The following IRAK2 variants were observed in gnomAD, a reference collection of about 807,000 sequenced individuals.
IRAK2 encodes the protein interleukin-1 receptor-associated kinase-like 2.
Under a neutral mutation model 72.0 loss-of-function variants are expected in IRAK2, and 57 were observed. That is an observed-to-expected ratio of 0.79 (90% CI 0.64 to 0.99). IRAK2 has a LOEUF of 0.99. Ranked by LOEUF, IRAK2 falls within the 50% of genes least tolerant of loss-of-function variation. The pLI is 0.00. For synonymous variants in IRAK2, 293 were observed against 312.7 expected (o/e 0.94, Z 0.67); for missense variants, 790 against 794.4 (o/e 0.99, Z 0.07).
At chr3:10,223,155 C>CTT (rs551028205) in intron 9 of IRAK2, among the ~76,000 whole-genome samples, 44 of 152,320 alleles carry the variant, frequency 2.9e-4, no homozygotes, top group Non-Finnish European at 5.1e-4. Flanking sequence ...GAAGGAAAAC[C>CTT]ACTCATGAGT....
At position 10,169,410 on chromosome 3, in the gene IRAK2, A is replaced by AC. The variant is rs565309572; in HGVS notation, c.94+4367dup. On this transcript the variant is annotated intron_variant, in intron 1 of 12. Coordinates refer to ENST00000256458, the MANE Select transcript of IRAK2 (RefSeq NM_001570.4). The stretch of plus-strand genomic sequence containing the variant: ...CTTATCTCAACTGCATCAGACAGAC[A>AC]CCCCCAGAGTGGCCATTTATAGACC... Among the ~76,000 whole-genome samples, 93 of 152,110 alleles carry AC rather than the reference A, an allele frequency of 6.1e-4. No homozygotes were observed. In the East Asian group the frequency reaches 6.8e-3, roughly 11 times the overall value.
chr3:10,232,233 T>C (rs1025205056), intron 10 of IRAK2, among the ~76,000 whole-genome samples: 8 of 152,368 alleles, frequency 5.3e-5, no homozygotes, highest in Admixed American at 3.9e-4. Flanking sequence ...ATTTGCCCTA[T>C]GTAGACAGAC....
intron 2 of IRAK2, among the ~76,000 whole-genome samples, chr3:10,185,981 A>C (rs1279505200): frequency 1.3e-4 from 19 of 151,614 alleles, no homozygotes; most frequent in Non-Finnish European, 1.5e-5. Context: ...TTGAACCAGG[A>C]GGCAGAGATT....
intron 10 of IRAK2, among the ~76,000 whole-genome samples, chr3:10,230,631 G>A (rs1163865770): frequency 6.6e-6 from 1 of 152,160 alleles, no homozygotes; most frequent in African/African-American, 2.4e-5. Flanking sequence ...ATGTAGTGGT[G>A]CAATCATGGC....
intron 1 of IRAK2, among the ~76,000 whole-genome samples, chr3:10,174,143 G>A (rs1204243529): frequency 6.6e-5 from 10 of 152,126 alleles, no homozygotes; most frequent in East Asian, 1.9e-4. Flanking sequence ...TTTTCCATCC[G>A]TTCTCTTCTC....
chr3:10,194,898 A>G (rs1462296587), intron 2 of IRAK2, among the ~76,000 whole-genome samples: 1 of 152,154 alleles, frequency 6.6e-6, no homozygotes, highest in African/African-American at 2.4e-5. Context: ...GTTGGCTTAC[A>G]TCCGTGGCTG....
At chr3:10,239,741 CAAAA>C (rs1365137063) in intron 12 of IRAK2, among the ~76,000 whole-genome samples, 2 of 151,832 alleles carry the variant, frequency 1.3e-5, no homozygotes, top group African/African-American at 4.8e-5. Context: ...AAACAAAAAA[CAAAA>C]AACTCAATGC....
intron 11 of IRAK2, among the ~76,000 whole-genome samples, chr3:10,235,270 C>A (rs1697938139): frequency 6.6e-6 from 1 of 151,942 alleles, no homozygotes; most frequent in African/African-American, 2.4e-5. Context: ...GCCGTGGCTT[C>A]CATGGTAAAA....
At chr3:10,229,287 T>C (rs1264772244) in intron 10 of IRAK2, among the ~76,000 whole-genome samples, 2 of 152,122 alleles carry the variant, frequency 1.3e-5, no homozygotes, top group African/African-American at 4.8e-5. Flanking sequence ...TCTTGCCCTG[T>C]CACCCAGGCC....
chr3:10,169,024 A>T (rs1269189690), intron 1 of IRAK2, among the ~76,000 whole-genome samples: 1 of 152,150 alleles, frequency 6.6e-6, no homozygotes, highest in Admixed American at 6.5e-5. Flanking sequence ...ACAAAGAGAG[A>T]AATTTTACAT....
In IRAK2 at chr3:10,177,878, C is replaced by T. The variant is rs200699551; in HGVS notation, c.135C>T (p.Ile45=). 3.0e-4 allele frequency: 484 copies of T among 1,613,742 alleles called. 1 individual carries two copies. Among genetic ancestry groups the T allele is most frequent in the Non-Finnish European group, 4.4e-5 (52 of 1,180,028 alleles). The change falls in exon 2 of 13, where the codon ATC becomes ATT. Residue 45 remains isoleucine (I), a synonymous_variant. Transcript: ENST00000256458. ...VITDLTQLRK[I]KSMERVQGVS... is the part of the protein sequence containing the mutation. ...CAGACCTGACCCAGCTGCGGAAGAT[C>T]AAGTCCATGGAGCGGGTGCAGGGTG...
At chr3:10,169,102 C>T (rs902916796) in intron 1 of IRAK2, among the ~76,000 whole-genome samples, 1 of 152,086 alleles carries the variant, frequency 6.6e-6, no homozygotes, top group East Asian at 1.9e-4. Context: ...ACAAAACCAG[C>T]GAGTTTTTAT....
chr3:10,212,877 G>C (rs1016646181), intron 4 of IRAK2, among the ~76,000 whole-genome samples: 1 of 149,886 alleles, frequency 6.7e-6, no homozygotes, highest in African/African-American at 2.5e-5. Flanking sequence ...CCATTCTCCT[G>C]CCTCAGCCTC....
At position 10,238,815 on chromosome 3, in the gene IRAK2, G is replaced by A; in HGVS notation, c.1541G>A (p.Gly514Glu). The A allele has an allele frequency of 6.2e-7, 1 of 1,614,080 alleles. No homozygotes were observed. Among genetic ancestry groups the A allele is most frequent in the Non-Finnish European group, 8.5e-7 (1 of 1,179,984 alleles). Residue 514 changes from glycine to glutamate, a missense_variant, in exon 12 of 13, where the codon GGG becomes GAG. Gly to Glu is a moderately conservative substitution (Grantham distance 98, BLOSUM62 -2). Coordinates refer to ENST00000256458, the MANE Select transcript of IRAK2 (RefSeq NM_001570.4). ...CGGGAGACGTTGCTCCCTTGGAGTG[G>A]GCTTTCTGAGGGTACAGGCTCTTCT... is the stretch of plus-strand genomic sequence containing the variant. ...RGRETLLPWS[G>E]LSEGTGSSSN...
intron 11 of IRAK2, among the ~76,000 whole-genome samples, chr3:10,237,437 T>C (rs1229972390): frequency 6.6e-6 from 1 of 152,112 alleles, no homozygotes. Flanking sequence ...ACTGGCTGGG[T>C]GGCTTTAGGC....
At chr3:10,165,721 A>ATTT (rs34176794) in intron 1 of IRAK2, among the ~76,000 whole-genome samples, 1,222 of 76,760 alleles carry the variant, frequency 0.016, 64 homozygotes, top group African/African-American at 0.022. Context: ...GTCTTGAACT[A>ATTT]TTTTTTTTTT....
intron 1 of IRAK2, among the ~76,000 whole-genome samples, chr3:10,172,837 CAAAAAAAAAA>C (rs533137515): frequency 5.6e-5 from 3 of 53,994 alleles, no homozygotes; most frequent in East Asian, 7.2e-4. Flanking sequence ...GACTCTGTCT[CAAAAAAAAAA>C]AAAAAAAAAA....
At chr3:10,165,126 T>C (rs1344401452) in intron 1 of IRAK2, 78 bp downstream of exon 1, 7 of 1,268,064 alleles carry the variant, frequency 5.5e-6, no homozygotes, top group Middle Eastern at 2.6e-4. Context: ...GCCGCCAAGC[T>C]CCCTCGGGCA....
chr3:10,193,086 C>T (rs191753422), intron 2 of IRAK2, among the ~76,000 whole-genome samples: 2 of 152,292 alleles, frequency 1.3e-5, no homozygotes, highest in Admixed American at 1.3e-4. Flanking sequence ...TGCGGGAGTT[C>T]ATTTGCCTTC....
Sources: allele counts gnomAD v4.1 joint callset (sites outside exome capture counted in the v4.1 genomes callset), GRCh38; gene constraint gnomAD v4.1.1; transcripts MANE v1.5; gene names NCBI Gene and HGNC (gene_info 2026-07-23, HGNC 2026-07-21).